The following DRAXIN variants were observed in gnomAD, a reference collection of about 807,000 sequenced individuals.
DRAXIN encodes the protein dorsal repulsive axon guidance protein.
A neutral mutation model predicts 33.9 loss-of-function variants in DRAXIN; 27 were observed. The observed-to-expected ratio is 0.80, with a 90% CI of 0.59 to 1.10. DRAXIN has a LOEUF of 1.10. Among genes scored for constraint, DRAXIN ranks in the 50% least tolerant of loss-of-function variants. DRAXIN has a pLI of 0.00. For synonymous variants in DRAXIN, 178 were observed against 194.0 expected, an observed-to-expected ratio of 0.92 and a Z score of 0.69; for missense variants, 371 against 460.8, an observed-to-expected ratio of 0.81 and a Z score of 1.78.
intron 3 of DRAXIN, among the ~76,000 whole-genome samples, chr1:11,710,935 AG>A (rs923421814): frequency 6.7e-6 from 1 of 149,652 alleles, no homozygotes; most frequent in Non-Finnish European, 1.5e-5. Context: ...AAAAAAAAAA[AG>A]GTTTTCAAAC....
chr1:11,718,648 T>G (rs1641615782), intron 6 of DRAXIN, among the ~76,000 whole-genome samples: 2 of 152,076 alleles, frequency 1.3e-5, no homozygotes, highest in Non-Finnish European at 2.9e-5. Context: ...TTACATTTTT[T>G]GTAGAGATAG....
chr1:11,722,730 G>A lies in DRAXIN; in HGVS notation c.*3034G>A, dbSNP rs903907436. On this transcript the variant is annotated 3_prime_UTR_variant, in exon 7 of 7. Transcript: ENST00000294485. ...AGCTCGAAGCAGCCACAGAGAGTGT[G>A]TAAATGAATTCATGGCTATGCTCCA... 4 of 154,280 alleles carry A rather than the reference G, an allele frequency of 2.6e-5. No individual in the cohort carries two copies. Among genetic ancestry groups the A allele is most frequent in the African/African-American group, 4.8e-5 (2 of 41,498 alleles). The allele number at this position is 154,280 out of a possible 1,614,324, so 9.6% of individuals were successfully genotyped here. A position where few individuals can be genotyped will look rare whatever the true frequency, so the allele number is the denominator to read the frequency against.
chr1:11,699,508 T>C (rs1345097170), intron 1 of DRAXIN, among the ~76,000 whole-genome samples: 1 of 152,204 alleles, frequency 6.6e-6, no homozygotes, highest in African/African-American at 2.4e-5. Context: ...AAAATTTTTT[T>C]TTAGAGACAG....
rs1310162354 is a variant in DRAXIN at position 11,705,118 on chromosome 1, C to A, written c.-10-1131C>A. Among the ~76,000 whole-genome samples the A allele has an allele frequency of 6.6e-6, 1 of 152,178 alleles. No homozygotes were observed. Among genetic ancestry groups the A allele is most frequent in the Non-Finnish European group, 1.5e-5 (1 of 68,030 alleles). On this transcript the variant is annotated intron_variant, in intron 1 of 6. Coordinates refer to ENST00000294485, the MANE Select transcript of DRAXIN (RefSeq NM_198545.4). The surrounding 1 kb of genome is among the most constrained non-coding windows in gnomAD (Gnocchi z 4.8). The stretch of plus-strand genomic sequence containing the variant: ...CCACCAACCTTTTCTCAGCCCGGGA[C>A]AATTATATGGCCACAAATCACAAAG...
chr1:11,707,073 C>T (rs1379761564), intron 2 of DRAXIN, among the ~76,000 whole-genome samples: 3 of 152,208 alleles, frequency 2.0e-5, no homozygotes, highest in African/African-American at 4.8e-5. Context: ...CGATGGTGGG[C>T]GCCTGTAGTC....
At position 11,711,984 on chromosome 1, in the gene DRAXIN, C is replaced by G. The variant is rs763410116; in HGVS notation, c.757+19C>G. 4 of 1,601,926 alleles carry G rather than the reference C, an allele frequency of 2.5e-6. No homozygotes were observed. The highest frequency in any genetic ancestry group is 1.1e-5 in the South Asian group (1 of 89,456). ...AAGAAAGGTATGCCCACCTACCCCA[C>G]TATCTTCCATGCCTGGGTGCCCTGC... On this transcript the variant is annotated intron_variant, in intron 4 of 6. Transcript: ENST00000294485.
intron 5 of DRAXIN, 97 bp from the exon 6 acceptor site, chr1:11,715,022 C>T: frequency 6.9e-7 from 1 of 1,440,738 alleles, no homozygotes; most frequent in Non-Finnish European, 9.7e-7. Context: ...CGGCCTGCCA[C>T]AGAGATGATG....
upstream of DRAXIN, among the ~76,000 whole-genome samples, chr1:11,688,866 G>C (rs137870859): frequency 5.0e-4 from 76 of 152,280 alleles, no homozygotes; most frequent in African/African-American, 1.8e-3. This position sits in a 1 kb window ranked among gnomAD's most constrained non-coding sequence, Gnocchi z 4.6. Flanking sequence ...CAGTAAGGAA[G>C]CCTGTCAAAA....
chr1:11,696,120 C>T lies in DRAXIN; in HGVS notation c.-11+4267C>T, dbSNP rs777349912. Among the ~76,000 whole-genome samples, 6 of 152,160 alleles carry T rather than the reference C, an allele frequency of 3.9e-5. No individual in the cohort carries two copies. Among genetic ancestry groups the T allele is most frequent in the Admixed American group, 6.5e-5 (1 of 15,284 alleles). ...CGATCACCCCACTGAGGACAGAGGA[C>T]GCAGCCACCTGCGCCTGCCCCTTTG... is the stretch of plus-strand genomic sequence containing the variant. On this transcript the variant is annotated intron_variant, in intron 1 of 6. Transcript: ENST00000294485. This position sits in a 1 kb window ranked among gnomAD's most constrained non-coding sequence, Gnocchi z 4.7.
chr1:11,719,575 C>G lies in DRAXIN; in HGVS notation c.938-9C>G. ...GCGCCTCTGACCCCCCTTGCCTCCA[C>G]TCGCCCAGGGCTGCGCTGCTATGCC... On this transcript the variant is annotated splice_polypyrimidine_tract_variant and intron_variant, in intron 6 of 6. Transcript: ENST00000294485. 6.2e-7 allele frequency: 1 copy of G among 1,605,754 alleles called. No individual in the cohort carries two copies. Among genetic ancestry groups the G allele is most frequent in the Non-Finnish European group, 8.5e-7 (1 of 1,175,434 alleles).
Position 11,713,324 on chromosome 1 carries a change from C to G in DRAXIN, c.847+895C>G, listed in dbSNP as rs114549613. ...GCTCCAACCTGGCCTGGCTGGAAAG[C>G]CTCTTCACCACAGCCCCATGCTGCC... On this transcript the variant is annotated intron_variant, in intron 5 of 6. Transcript: ENST00000294485. Among the ~76,000 whole-genome samples, 114 of 152,336 alleles carry G rather than the reference C, an allele frequency of 7.5e-4. 1 individual carries two copies. The highest frequency in any genetic ancestry group is 2.4e-3 in the African/African-American group (100 of 41,578).
At chr1:11,690,776 C>T (rs528467677), upstream of DRAXIN, among the ~76,000 whole-genome samples, 10 of 152,192 alleles carry the variant, frequency 6.6e-5, no homozygotes, top group South Asian at 1.9e-3. The surrounding 1 kb of genome is among the most constrained non-coding windows in gnomAD (Gnocchi z 4.2). Flanking sequence ...GACCCATAAC[C>T]CAGCATTCTC....
chr1:11,712,309 A>G (rs770560205), intron 4 of DRAXIN, 31 bp from the exon 5 acceptor site: 65 of 1,613,344 alleles, frequency 4.0e-5, no homozygotes, highest in Non-Finnish European at 5.1e-5. Flanking sequence ...GCTGGGCCCC[A>G]GCTTCTGACG....
rs561414782 is a variant in DRAXIN at position 11,703,667 on chromosome 1, C to T, written c.-10-2582C>T. Among the ~76,000 whole-genome samples the T allele has an allele frequency of 5.3e-5, 8 of 152,292 alleles. No individual in the cohort carries two copies. In the East Asian group the frequency reaches 1.2e-3, roughly 22 times the overall value. On this transcript the variant is annotated intron_variant, in intron 1 of 6. Coordinates refer to ENST00000294485, the MANE Select transcript of DRAXIN (RefSeq NM_198545.4). ...TGCTGGGTCTGGGGACAGGATGGAG[C>T]CCCCTTGGATGCACCCCCATGGGTG... is the stretch of plus-strand genomic sequence containing the variant.
At chr1:11,693,834 A>G (rs1557685325) in intron 1 of DRAXIN, among the ~76,000 whole-genome samples, 1 of 152,064 alleles carries the variant, frequency 6.6e-6, no homozygotes, top group Non-Finnish European at 1.5e-5. Context: ...CTCCCAGTCC[A>G]TAGTCCTCAG....
chr1:11,702,257 G>A (rs554059121), intron 1 of DRAXIN, among the ~76,000 whole-genome samples: 15 of 145,760 alleles, frequency 1.0e-4, no homozygotes, highest in African/African-American at 3.8e-4. Context: ...ACACACACAT[G>A]CACATACACA....
chr1:11,717,754 G>A (rs1351045321), intron 6 of DRAXIN, among the ~76,000 whole-genome samples: 1 of 149,940 alleles, frequency 6.7e-6, no homozygotes, highest in African/African-American at 2.5e-5. Flanking sequence ...GGAGGCCAAG[G>A]CAGGTGGATC....
chr1:11,721,318 C>G lies in DRAXIN; in HGVS notation c.*1622C>G, dbSNP rs772517561. 9 of 152,242 alleles carry G rather than the reference C, an allele frequency of 5.9e-5. No homozygotes were observed. Among genetic ancestry groups the G allele is most frequent in the Non-Finnish European group, 1.2e-4 (8 of 68,056 alleles). 9.4% of individuals were successfully genotyped at this position (152,242 alleles called of 1,614,324 possible). ...AACTGCCCCTAACAGGCCAGACTCA[C>G]AATGCCCACCCAGGACATCTGTCCC... On this transcript the variant is annotated 3_prime_UTR_variant, in exon 7 of 7. Transcript: ENST00000294485.
In DRAXIN at chr1:11,705,583, G is replaced by A. The variant is rs1000464027; in HGVS notation, c.-10-666G>A. Among the ~76,000 whole-genome samples the A allele has an allele frequency of 2.0e-5, 3 of 152,116 alleles. No individual in the cohort carries two copies. Among genetic ancestry groups the A allele is most frequent in the Non-Finnish European group, 2.9e-5 (2 of 68,018 alleles). On this transcript the variant is annotated intron_variant, in intron 1 of 6. Coordinates refer to ENST00000294485, the MANE Select transcript of DRAXIN (RefSeq NM_198545.4). This position sits in a 1 kb window ranked among gnomAD's most constrained non-coding sequence, Gnocchi z 4.8. Reference sequence around the variant, plus strand: ...CTGGGCCATCCTGGGACAGCCACACGGGGTTCAGGGCTCAGGGACAGGAAT... The same window carrying A: ...CTGGGCCATCCTGGGACAGCCACACAGGGTTCAGGGCTCAGGGACAGGAAT...
Sources: gnomAD v4.1 joint callset for allele counts (sites outside exome capture counted in the v4.1 genomes callset) on GRCh38, gnomAD v4.1.1 for gene constraint, Gnocchi (gnomAD v3.1) non-coding constraint, MANE v1.5 for transcripts, NCBI Gene and HGNC (gene_info 2026-07-23, HGNC 2026-07-21) for gene names.